The following LMO7 variants were observed in gnomAD, a reference collection of about 807,000 sequenced individuals.
The protein encoded by LMO7 is LIM domain only protein 7.
In LMO7, 120 loss-of-function variants were observed where a neutral mutation model predicts 206.5. That is an observed-to-expected ratio of 0.58 (90% CI 0.50 to 0.68). LMO7 has a LOEUF of 0.68. Among genes scored for constraint, LMO7 ranks in the 30% least tolerant of loss-of-function variants. LMO7 has a pLI of 0.00. For missense variants in LMO7, 1,959 were observed against 1,957.9 expected, an observed-to-expected ratio of 1.00 and a Z score of -0.01; for synonymous variants, 706 against 681.5, an observed-to-expected ratio of 1.04 and a Z score of -0.56.
At chr13:75,656,972 C>A (rs1358690859) in intron 1 of LMO7, among the ~76,000 whole-genome samples, 3 of 152,184 alleles carry the variant, frequency 2.0e-5, no homozygotes, top group African/African-American at 7.2e-5. Flanking sequence ...GAAATAGAGT[C>A]CTTACAGTGG....
At chr13:75,756,408 G>A (rs1007523891) in intron 3 of LMO7, among the ~76,000 whole-genome samples, 1 of 152,146 alleles carries the variant, frequency 6.6e-6, no homozygotes, top group Non-Finnish European at 1.5e-5. Flanking sequence ...TATGGGTAGG[G>A]TAAAGAAGTA....
intron 12 of LMO7, among the ~76,000 whole-genome samples, chr13:75,818,667 C>T (rs2057293463): frequency 2.6e-5 from 4 of 152,164 alleles, no homozygotes; most frequent in South Asian, 4.2e-4. Flanking sequence ...TTCCTTATTG[C>T]GCTGACCTAG....
chr13:75,777,081 C>T (rs551376472), intron 4 of LMO7, among the ~76,000 whole-genome samples: 11 of 152,308 alleles, frequency 7.2e-5, no homozygotes, highest in Admixed American at 5.2e-4. Flanking sequence ...GTGCCACATC[C>T]GCTGTCCAGG....
chr13:75,804,483 G>A lies in LMO7; in HGVS notation c.856G>A (p.Asp286Asn), dbSNP rs772041632. 28 of 1,614,030 alleles carry A rather than the reference G, an allele frequency of 1.7e-5. No homozygotes were observed. The South Asian group carries it at 2.7e-4, about 16-fold the overall frequency. ...LRKKKPDKHE[D>N]NRRSWASPVY... is the part of the protein sequence containing the mutation. ...AAAGAAAAAGCCAGACAAACATGAG[G>A]ATAACAGAAGAAGTTGGGCAAGCCC... Residue 286 changes from aspartate (D) to asparagine (N), a missense_variant, in exon 8 of 31, where the codon GAT becomes AAT. Transcript: ENST00000377534.
chr13:75,758,703 T>G lies in LMO7; in HGVS notation c.211-2229T>G, dbSNP rs536208059. Among the ~76,000 whole-genome samples the G allele has an allele frequency of 5.3e-5, 8 of 152,338 alleles. No individual in the cohort carries two copies. The East Asian group carries it at 1.5e-3, about 29-fold the overall frequency. On this transcript the variant is annotated intron_variant, in intron 3 of 30. Coordinates refer to ENST00000377534, the MANE Select transcript of LMO7 (RefSeq NM_001306080.2). Reference sequence around the variant, plus strand: ...CTTTATTTATCTATCCTTATCAATCTGTACCTATTTGTCAACTAGATGAAT... The same window carrying G: ...CTTTATTTATCTATCCTTATCAATCGGTACCTATTTGTCAACTAGATGAAT...
At chr13:75,758,163 G>C (rs956191775) in intron 3 of LMO7, among the ~76,000 whole-genome samples, 2 of 152,046 alleles carry the variant, frequency 1.3e-5, no homozygotes, top group African/African-American at 4.8e-5. Context: ...AATTAGATAA[G>C]ATTAGTTTTA....
chr13:75,746,656 C>T (rs570241313), intron 3 of LMO7, among the ~76,000 whole-genome samples: 59 of 152,242 alleles, frequency 3.9e-4, no homozygotes, highest in Non-Finnish European at 6.5e-4. Flanking sequence ...GTCCTGTAGA[C>T]GGGAGTTTCT....
chr13:75,810,125 A>G (rs753592130), intron 11 of LMO7, among the ~76,000 whole-genome samples: 1 of 152,108 alleles, frequency 6.6e-6, no homozygotes. Flanking sequence ...AACTACATTT[A>G]CAGTAAATCA....
intron 1 of LMO7, among the ~76,000 whole-genome samples, chr13:75,701,902 T>A (rs1024245698): frequency 6.6e-6 from 1 of 152,172 alleles, no homozygotes; most frequent in African/African-American, 2.4e-5. Context: ...TGATGAAACC[T>A]TGTACATAAA....
chr13:75,853,010 T>A, intron 27 of LMO7, 82 bp from the exon 28 acceptor site: 3 of 1,195,416 alleles, frequency 2.5e-6, no homozygotes, highest in Non-Finnish European at 3.5e-6. Flanking sequence ...AAAAATGGAT[T>A]TTTAATGAAT....
chr13:75,707,140 AATAAATTTATTT>A (rs1566331365), intron 1 of LMO7, among the ~76,000 whole-genome samples: 1 of 151,264 alleles, frequency 6.6e-6, no homozygotes, highest in African/African-American at 2.4e-5. Context: ...CTTTTATATT[AATAAATTTATTT>A]ATAAATTTAT....
At chr13:75,790,886 G>A (rs1199436072) in intron 4 of LMO7, among the ~76,000 whole-genome samples, 2 of 151,980 alleles carry the variant, frequency 1.3e-5, no homozygotes, top group Admixed American at 1.3e-4. Context: ...TATTAAACAT[G>A]TAAAAGTTAA....
At chr13:75,667,855 G>C (rs546323592) in intron 1 of LMO7, among the ~76,000 whole-genome samples, 1 of 152,222 alleles carries the variant, frequency 6.6e-6, no homozygotes, top group Non-Finnish European at 1.5e-5. Flanking sequence ...TAAATGATAA[G>C]TTGTGGAAAC....
At chr13:75,793,315 G>A (rs1036842951) in intron 4 of LMO7, among the ~76,000 whole-genome samples, 5 of 152,020 alleles carry the variant, frequency 3.3e-5, no homozygotes, top group African/African-American at 9.7e-5. Context: ...TGCTCTTGTC[G>A]CCCAGACTGG....
intron 4 of LMO7, among the ~76,000 whole-genome samples, chr13:75,770,765 A>G (rs1355672427): frequency 6.6e-6 from 1 of 152,142 alleles, no homozygotes; most frequent in Non-Finnish European, 1.5e-5. Context: ...AACACTGTCA[A>G]GTGATTTACA....
chr13:75,800,097 T>C (rs1212625762), intron 6 of LMO7, among the ~76,000 whole-genome samples: 1 of 152,228 alleles, frequency 6.6e-6, no homozygotes, highest in Non-Finnish European at 1.5e-5. Flanking sequence ...AGAACTAGGT[T>C]GTGTAATTAG....
At chr13:75,622,601 G>A (rs559542232) in intron 1 of LMO7, among the ~76,000 whole-genome samples, 1 of 152,246 alleles carries the variant, frequency 6.6e-6, no homozygotes, top group South Asian at 2.1e-4. Context: ...TCTTTCAGGG[G>A]ATCAAACCAG....
At chr13:75,666,293 GTATTTT>G (rs2039069075) in intron 1 of LMO7, among the ~76,000 whole-genome samples, 1 of 152,204 alleles carries the variant, frequency 6.6e-6, no homozygotes, top group Non-Finnish European at 1.5e-5. Context: ...TTTCACAAAA[GTATTTT>G]GCAACCTCTG....
chr13:75,697,486 A>G (rs1403591074), intron 1 of LMO7, among the ~76,000 whole-genome samples: 2 of 152,176 alleles, frequency 1.3e-5, no homozygotes, highest in African/African-American at 4.8e-5. Context: ...CTTATTCACT[A>G]TCACAAGAAC....
Sources: gnomAD v4.1 joint callset for allele counts (sites outside exome capture counted in the v4.1 genomes callset) on GRCh38, gnomAD v4.1.1 for gene constraint, MANE v1.5 for transcripts, NCBI Gene and HGNC (gene_info 2026-07-23, HGNC 2026-07-21) for gene names.